Variants in ZC3H11A observed in about 807,000 individuals in gnomAD.
ZC3H11A encodes the protein zinc finger CCCH-type containing 11A, also known as zinc finger CCCH domain-containing protein 11A.
In ZC3H11A, 22 loss-of-function variants were observed where a neutral mutation model predicts 90.8. That is an observed-to-expected ratio of 0.24 (90% CI 0.17 to 0.35). The LOEUF (loss-of-function observed/expected upper bound fraction) is 0.35. Ranked by LOEUF, ZC3H11A falls within the 10% of genes least tolerant of loss-of-function variation. The probability of loss-of-function intolerance (pLI) is 1.00; values close to 1 mark genes in which losing one functional copy is unlikely to be tolerated. For missense variants in ZC3H11A, 701 were observed against 964.9 expected (o/e 0.73, Z 3.62); for synonymous variants, 294 against 339.8 (o/e 0.87, Z 1.48).
chr1:203,801,082 T>G (rs7511676), intron 1 of ZC3H11A: 20,123 of 152,212 alleles, frequency 0.13, 1,508 homozygotes, highest in Non-Finnish European at 0.15. Flanking sequence ...AAATATACTT[T>G]TAGTCTTTGA....
chr1:203,818,541 C>T (rs745638158), intron 3 of ZC3H11A, 29 bp from the exon 4 acceptor site: 6 of 1,613,470 alleles, frequency 3.7e-6, no homozygotes, highest in Non-Finnish European at 5.1e-6. Context: ...TTCAATGCTA[C>T]AAATAGAGTG....
At chr1:203,815,642 G>C (rs1369244965) in intron 2 of ZC3H11A, among the ~76,000 whole-genome samples, 1 of 151,936 alleles carries the variant, frequency 6.6e-6, no homozygotes, top group African/African-American at 2.4e-5. Context: ...TTAAACATTT[G>C]GGTACATGTT....
intron 4 of ZC3H11A, among the ~76,000 whole-genome samples, chr1:203,821,800 C>T (rs1265796711): frequency 6.6e-6 from 1 of 151,808 alleles, no homozygotes. Flanking sequence ...CTCTATCACC[C>T]AGGCTGGAGT....
In ZC3H11A at chr1:203,798,089, G is replaced by A. The variant is rs550393612; in HGVS notation, c.-1588+2295G>A. On this transcript the variant is annotated intron_variant, in intron 1 of 17. Transcript: ENST00000367210. ...CACCTCATTGGACCAGGGCCAACAA[G>A]TTTGGAGTTGCTAGTGGAGAGGAGG... 1.4e-5 allele frequency: 21 copies of A among 1,536,148 alleles called. No homozygotes were observed. In the African/African-American group the frequency reaches 2.1e-4, roughly 15 times the overall value.
rs569445094 is a variant in ZC3H11A at position 203,849,916 on chromosome 1, A to C, written c.1829A>C (p.Lys610Thr). The C allele has an allele frequency of 3.8e-5, 62 of 1,614,176 alleles. No homozygotes were observed. The East Asian group carries it at 1.3e-3, about 35-fold the overall frequency. ...AVPGITRHLT[K>T]RLPTKSSQKV... Reference sequence around the variant, plus strand: ...CCAGGAATCACACGGCACCTGACCAAGCGGCTTCCCACAAAGTCATCCCAG... The same window carrying C: ...CCAGGAATCACACGGCACCTGACCACGCGGCTTCCCACAAAGTCATCCCAG... Residue 610 changes from lysine (K) to threonine (T), a missense_variant, in exon 15 of 18, where the codon AAG becomes ACG. Lys to Thr is a moderately conservative substitution (Grantham distance 78). Transcript: ENST00000367210.
intron 12 of ZC3H11A, among the ~76,000 whole-genome samples, chr1:203,845,152 A>G (rs1687544220): frequency 6.6e-6 from 1 of 152,200 alleles, no homozygotes; most frequent in Non-Finnish European, 1.5e-5. Context: ...CTGTAAATTC[A>G]GACATCTGCT....
intron 2 of ZC3H11A, among the ~76,000 whole-genome samples, chr1:203,815,210 TC>T (rs1675868590): frequency 3.2e-5 from 2 of 63,150 alleles, no homozygotes; most frequent in Non-Finnish European, 6.2e-5. Context: ...TTCTTCCTTT[TC>T]TTTTCTTTTT....
At chr1:203,841,538 C>T (rs1248733863) in intron 12 of ZC3H11A, among the ~76,000 whole-genome samples, 1 of 152,216 alleles carries the variant, frequency 6.6e-6, no homozygotes, top group Non-Finnish European at 1.5e-5. Flanking sequence ...AAAATGGAGT[C>T]TCCCATGTCT....
chr1:203,842,634 T>A (rs1173299998), intron 12 of ZC3H11A, among the ~76,000 whole-genome samples: 1 of 150,850 alleles, frequency 6.6e-6, no homozygotes, highest in Non-Finnish European at 1.5e-5. Flanking sequence ...TCTTTTTTTT[T>A]TTTTTTTAAG....
At chr1:203,838,117 C>G in intron 11 of ZC3H11A, 53 bp downstream of exon 11, 1 of 1,509,636 alleles carries the variant, frequency 6.6e-7, no homozygotes. Context: ...ACACTTGTGT[C>G]TTGTAATGCT....
chr1:203,818,206 T>C (rs1323112706), intron 3 of ZC3H11A, among the ~76,000 whole-genome samples: 1 of 152,110 alleles, frequency 6.6e-6, no homozygotes, highest in Non-Finnish European at 1.5e-5. Flanking sequence ...ATATTTAAAT[T>C]CTATTTACTT....
At chr1:203,815,625 G>C (rs1226770771) in intron 2 of ZC3H11A, among the ~76,000 whole-genome samples, 1 of 152,100 alleles carries the variant, frequency 6.6e-6, no homozygotes, top group Non-Finnish European at 1.5e-5. Flanking sequence ...CGAAGGGTAT[G>C]TAAACTTTAA....
At chr1:203,849,105 G>A (rs1020070717) in intron 14 of ZC3H11A, among the ~76,000 whole-genome samples, 1 of 152,138 alleles carries the variant, frequency 6.6e-6, no homozygotes, top group African/African-American at 2.4e-5. Flanking sequence ...GAGTGGTCTC[G>A]AACTTCTGGC....
At chr1:203,835,580 T>C (rs1188262547) in intron 10 of ZC3H11A, 3 of 173,670 alleles carry the variant, frequency 1.7e-5, no homozygotes, top group Non-Finnish European at 1.3e-5. Context: ...TTTCATTAGC[T>C]TAAACCCTTG....
intron 12 of ZC3H11A, among the ~76,000 whole-genome samples, chr1:203,843,181 G>T (rs1040505248): frequency 6.6e-6 from 1 of 151,964 alleles, no homozygotes; most frequent in Non-Finnish European, 1.5e-5. Context: ...CAGGTTCACT[G>T]TTGTGGATCA....
At chr1:203,833,922 A>C in intron 10 of ZC3H11A, 69 bp downstream of exon 10, 1 of 1,543,086 alleles carries the variant, frequency 6.5e-7, no homozygotes. Flanking sequence ...GCTTCTCCAA[A>C]CTCTTTTTAT....
intron 4 of ZC3H11A, among the ~76,000 whole-genome samples, chr1:203,827,141 G>C (rs911196630): frequency 2.0e-5 from 3 of 152,050 alleles, no homozygotes; most frequent in African/African-American, 4.8e-5. Flanking sequence ...CTCATTACTA[G>C]ATGATATTCT....
chr1:203,797,354 A>G, intron 1 of ZC3H11A: 1 of 595,656 alleles, frequency 1.7e-6, no homozygotes, highest in East Asian at 3.1e-5. Flanking sequence ...CATTGCTGTC[A>G]GTTTTCCTCC....
Position 203,852,919 on chromosome 1 carries a change from T to C in ZC3H11A, c.*520T>C, listed in dbSNP as rs149429456. On this transcript the variant is annotated 3_prime_UTR_variant, in exon 18 of 18. Transcript: ENST00000367210. ...TTTTAAAGGTATTTAAAGATTCAAC[T>C]AAGCTTTAAAGAGGGCTGAGCAGCT... The C allele has an allele frequency of 1.1e-3, 179 of 164,502 alleles. 4 individuals carry two copies. In the East Asian group the frequency reaches 0.027, roughly 25 times the overall value. 10.2% of individuals were successfully genotyped at this position (164,502 alleles called of 1,614,324 possible). A position where few individuals can be genotyped will look rare whatever the true frequency, so the allele number is the denominator to read the frequency against.
Sources: allele counts gnomAD v4.1 joint callset (sites outside exome capture counted in the v4.1 genomes callset), GRCh38; gene constraint gnomAD v4.1.1; transcripts MANE v1.5; gene names NCBI Gene and HGNC (gene_info 2026-07-23, HGNC 2026-07-21).